NPAS3: variants seen among roughly 807,000 people sequenced by gnomAD.
NPAS3 encodes the protein neuronal PAS domain protein 3, also known as neuronal PAS domain-containing protein 3.
A neutral mutation model predicts 73.1 loss-of-function variants in NPAS3; 14 were observed. The ratio of observed to expected loss-of-function variants is 0.19; its 90% CI spans 0.13 to 0.30. NPAS3 has a LOEUF of 0.30. Among genes scored for constraint, NPAS3 ranks in the 10% least tolerant of loss-of-function variants. NPAS3 has a pLI of 1.00. For missense variants in NPAS3, 1,096 were observed against 1,250.0 expected (o/e 0.88, Z 1.86); for synonymous variants, 620 against 541.5 (o/e 1.14, Z -2.01).
At chr14:33,719,341 C>T (rs975973536) in intron 6 of NPAS3, among the ~76,000 whole-genome samples, 2 of 152,064 alleles carry the variant, frequency 1.3e-5, no homozygotes. Flanking sequence ...ACCCAGTAAG[C>T]CTAAAAACAG....
intron 2 of NPAS3, among the ~76,000 whole-genome samples, chr14:33,085,034 A>T (rs1224544877): frequency 6.6e-6 from 1 of 152,224 alleles, no homozygotes; most frequent in East Asian, 1.9e-4. Context: ...TCTAACATTG[A>T]TACCTCTACA....
chr14:33,146,320 A>T (rs1467077525), intron 2 of NPAS3, among the ~76,000 whole-genome samples: 1 of 152,148 alleles, frequency 6.6e-6, no homozygotes, highest in African/African-American at 2.4e-5. Flanking sequence ...ACCACTTTCC[A>T]CTTGTGTAAG....
chr14:33,201,189 A>G (rs893225154), intron 2 of NPAS3, among the ~76,000 whole-genome samples: 2 of 152,232 alleles, frequency 1.3e-5, no homozygotes, highest in African/African-American at 4.8e-5. Context: ...ATCTAATGCT[A>G]GTAAAGCTCA....
At chr14:32,964,734 T>G (rs1414398573) in intron 1 of NPAS3, among the ~76,000 whole-genome samples, 4 of 151,792 alleles carry the variant, frequency 2.6e-5, no homozygotes, top group African/African-American at 9.7e-5. Context: ...CCTAGCACTT[T>G]GGGAGGCCAA....
rs1350804865 is a variant in NPAS3 at position 33,800,802 on chromosome 14, C to T, written c.2495C>T (p.Ala832Val). Residue 832 changes from alanine to valine, a missense_variant, in exon 12 of 12, where the codon GCG becomes GTG. Physicochemically the swap from Ala to Val is moderately conservative, Grantham distance 64. This residue lies in a region of NPAS3 where 698 missense variants were observed against 676.7 expected (regional missense o/e 1.03). Transcript: ENST00000356141. The surrounding 1 kb of genome is among the most constrained non-coding windows in gnomAD (Gnocchi z 6.5). ...TACACCACGGGCACCATCCGCTACGCGCCCGCCGAGGTGACCCTGGCCATG... is the reference window on the plus strand; with the variant it reads ...TACACCACGGGCACCATCCGCTACGTGCCCGCCGAGGTGACCCTGGCCATG... The T allele has an allele frequency of 1.9e-6, 3 of 1,593,602 alleles. No homozygotes were observed. The highest frequency in any genetic ancestry group is 2.3e-5 in the East Asian group (1 of 43,926).
rs1321929935 is a variant in NPAS3, at chr14:33,311,663, C to CT, written c.386-55522dup. Among the ~76,000 whole-genome samples, 3 of 152,214 alleles carry CT rather than the reference C, an allele frequency of 2.0e-5. No homozygotes were observed. The East Asian group carries it at 5.8e-4, about 29-fold the overall frequency. ...ATGAGTCCGTCCCATCAATCCAACT[C>CT]TGAGTATTTATCATAGAGCTGTACC... On this transcript the variant is annotated intron_variant, in intron 3 of 11. Coordinates refer to ENST00000356141, the Ensembl canonical transcript of NPAS3.
intron 1 of NPAS3, among the ~76,000 whole-genome samples, chr14:32,998,017 C>T (rs1338612783): frequency 6.6e-6 from 1 of 152,160 alleles, no homozygotes; most frequent in Non-Finnish European, 1.5e-5. Flanking sequence ...CCAGAAATTC[C>T]ACTTCTTGGT....
chr14:33,204,278 A>G (rs2046738518), intron 2 of NPAS3, among the ~76,000 whole-genome samples: 1 of 152,200 alleles, frequency 6.6e-6, no homozygotes, highest in African/African-American at 2.4e-5. Flanking sequence ...CGTGCCACAT[A>G]AAAACATTTA....
chr14:33,518,637 A>G (rs2053419071), intron 4 of NPAS3, among the ~76,000 whole-genome samples: 1 of 150,898 alleles, frequency 6.6e-6, no homozygotes, highest in Non-Finnish European at 1.5e-5. Flanking sequence ...TTTGCAAAAA[A>G]TGAAATTTCC....
At chr14:33,495,205 C>G (rs1182697209) in intron 4 of NPAS3, among the ~76,000 whole-genome samples, 1 of 152,022 alleles carries the variant, frequency 6.6e-6, no homozygotes, top group East Asian at 1.9e-4. Context: ...CAAAGAACTT[C>G]TTTATTTCTG....
intron 4 of NPAS3, among the ~76,000 whole-genome samples, chr14:33,477,369 G>C (rs150877603): frequency 6.6e-6 from 1 of 152,108 alleles, no homozygotes; most frequent in African/African-American, 2.4e-5. Context: ...AGGGATCTAC[G>C]GGAAAAATCA....
At chr14:33,018,636 A>G (rs904398065) in intron 1 of NPAS3, among the ~76,000 whole-genome samples, 2 of 145,370 alleles carry the variant, frequency 1.4e-5, no homozygotes, top group African/African-American at 2.7e-5. Flanking sequence ...TTTTTAGAAC[A>G]TAAACAAGTT....
chr14:33,694,625 A>T (rs746783996), intron 6 of NPAS3, among the ~76,000 whole-genome samples: 2 of 152,198 alleles, frequency 1.3e-5, no homozygotes, highest in African/African-American at 2.4e-5. Context: ...AAAGCTAGTA[A>T]ACATGAACAT....
chr14:33,204,664 C>T (rs948358172), intron 2 of NPAS3, among the ~76,000 whole-genome samples: 1 of 152,102 alleles, frequency 6.6e-6, no homozygotes, highest in Non-Finnish European at 1.5e-5. Flanking sequence ...AAATGATACA[C>T]TGAGCAAAGC....
chr14:33,391,884 C>T (rs567456443), intron 4 of NPAS3, among the ~76,000 whole-genome samples: 35 of 152,120 alleles, frequency 2.3e-4, no homozygotes, highest in South Asian at 1.2e-3. Flanking sequence ...TTCTAACATA[C>T]GATGATTTAA....
rs1238119279 is a variant in NPAS3, at chr14:33,198,700, CG to C, written c.141-16477del. Among the ~76,000 whole-genome samples the C allele has an allele frequency of 3.9e-5, 6 of 152,222 alleles. No individual in the cohort carries two copies. In the South Asian group the frequency reaches 6.2e-4, roughly 16 times the overall value. ...CCCCTAGTGGATCCCGCACCAGGTC[CG>C]GGGGCGGAGCTGCCCGCCAGCCCTG... On this transcript the variant is annotated intron_variant, in intron 2 of 11. Coordinates refer to ENST00000356141, the Ensembl canonical transcript of NPAS3.
intron 11 of NPAS3, among the ~76,000 whole-genome samples, chr14:33,798,498 C>T (rs1010339285): frequency 7.9e-5 from 12 of 152,138 alleles, no homozygotes; most frequent in African/African-American, 1.7e-4. Context: ...CATGTTCAGA[C>T]GCTGTGTTAC....
At chr14:33,110,853 T>C (rs1224384629) in intron 2 of NPAS3, among the ~76,000 whole-genome samples, 1 of 152,166 alleles carries the variant, frequency 6.6e-6, no homozygotes, top group East Asian at 1.9e-4. Context: ...TTTTATGTTG[T>C]TAACTATTAA....
chr14:33,574,012 A>T (rs1200563859), intron 5 of NPAS3, among the ~76,000 whole-genome samples: 1 of 152,240 alleles, frequency 6.6e-6, no homozygotes, highest in Admixed American at 6.5e-5. Flanking sequence ...TTGGATTTAC[A>T]CATGTGGCAT....
Sources: gnomAD v4.1 joint callset for allele counts (sites outside exome capture counted in the v4.1 genomes callset) on GRCh38, gnomAD v4.1.1 for gene constraint, gnomAD v4.1.1 regional missense constraint, Gnocchi (gnomAD v3.1) non-coding constraint, MANE v1.5 for transcripts, NCBI Gene and HGNC (gene_info 2026-07-23, HGNC 2026-07-21) for gene names.